The following JAKMIP2 variants were observed in gnomAD, a reference collection of about 807,000 sequenced individuals.
JAKMIP2 encodes janus kinase and microtubule interacting protein 2, also known as janus kinase and microtubule-interacting protein 2.
A neutral mutation model predicts 115.0 loss-of-function variants in JAKMIP2; 25 were observed. The observed-to-expected ratio is 0.22, with a 90% CI of 0.16 to 0.30. The LOEUF is 0.30. JAKMIP2 is among the 10% of genes least tolerant of loss of function. JAKMIP2 has a pLI of 1.00. For missense variants in JAKMIP2, 642 were observed against 957.6 expected (o/e 0.67, Z 4.35); for synonymous variants, 334 against 343.6 (o/e 0.97, Z 0.31).
intron 1 of JAKMIP2, among the ~76,000 whole-genome samples, chr5:147,775,850 T>C (rs1218490159): frequency 6.6e-6 from 1 of 152,174 alleles, no homozygotes; most frequent in Non-Finnish European, 1.5e-5. Flanking sequence ...AAGGCATTCG[T>C]TACAATTGGT....
At chr5:147,716,093 T>C (rs1239719418) in intron 1 of JAKMIP2, among the ~76,000 whole-genome samples, 3 of 146,676 alleles carry the variant, frequency 2.0e-5, no homozygotes. Flanking sequence ...GAATATGCAG[T>C]GTTTGGTTTT....
At chr5:147,720,423 G>A (rs1271210524) in intron 1 of JAKMIP2, among the ~76,000 whole-genome samples, 2 of 148,300 alleles carry the variant, frequency 1.3e-5, no homozygotes, top group Non-Finnish European at 3.0e-5. Flanking sequence ...AAGTTCTCCT[G>A]GATAATATCC....
chr5:147,724,753 A>T (rs544132436), intron 1 of JAKMIP2, among the ~76,000 whole-genome samples: 2 of 152,322 alleles, frequency 1.3e-5, no homozygotes, highest in African/African-American at 4.8e-5. Flanking sequence ...AAATTGGGTA[A>T]GTTTGAACTG....
chr5:147,723,221 A>T (rs1753387427), intron 1 of JAKMIP2, among the ~76,000 whole-genome samples: 1 of 152,150 alleles, frequency 6.6e-6, no homozygotes, highest in Non-Finnish European at 1.5e-5. Context: ...AAAAAAATCT[A>T]GATATACGTA....
chr5:147,751,730 A>G (rs775551346), intron 1 of JAKMIP2, among the ~76,000 whole-genome samples: 4 of 152,034 alleles, frequency 2.6e-5, no homozygotes, highest in Non-Finnish European at 4.4e-5. Context: ...TGGTCGAAAA[A>G]GTTTTTACAA....
intron 11 of JAKMIP2, among the ~76,000 whole-genome samples, chr5:147,636,633 C>A (rs1259206326): frequency 6.6e-6 from 1 of 152,154 alleles, no homozygotes; most frequent in Non-Finnish European, 1.5e-5. Flanking sequence ...AAATGCAGAA[C>A]CATAAATGTA....
In JAKMIP2 at chr5:147,752,248, T is replaced by TGGATG. The variant is rs1334858300; in HGVS notation, c.-149+30203_-149+30207dup. Among the ~76,000 whole-genome samples the TGGATG allele has an allele frequency of 2.0e-5, 3 of 152,176 alleles. No individual in the cohort carries two copies. In the East Asian group the frequency reaches 5.8e-4, roughly 29 times the overall value. On this transcript the variant is annotated intron_variant, in intron 1 of 21. Coordinates refer to ENST00000616793, the MANE Select transcript of JAKMIP2 (RefSeq NM_001270941.2). Reference sequence around the variant, plus strand: ...AATTACCTCGTTTTGTTTAAAAATCTGGATGAAGTATGGAGTGCCTGGGGC... The same window carrying TGGATG: ...AATTACCTCGTTTTGTTTAAAAATCTGGATGGGATGAAGTATGGAGTGCCTGGGGC...
chr5:147,597,833 G>C (rs1755473461), intron 21 of JAKMIP2, among the ~76,000 whole-genome samples: 2 of 152,196 alleles, frequency 1.3e-5, no homozygotes, highest in African/African-American at 4.8e-5. Flanking sequence ...GTTGGAACCT[G>C]ATGAGAGGCC....
intron 15 of JAKMIP2, 93 bp downstream of exon 15, chr5:147,629,600 A>G: frequency 1.2e-6 from 1 of 834,482 alleles, no homozygotes; most frequent in Non-Finnish European, 2.0e-6. Context: ...ATGGCATCTC[A>G]CTTGCTCTTA....
chr5:147,720,093 C>T (rs943314873), intron 1 of JAKMIP2, among the ~76,000 whole-genome samples: 1 of 152,040 alleles, frequency 6.6e-6, no homozygotes, highest in African/African-American at 2.4e-5. Context: ...TATTTTATTT[C>T]TCCTTTGCTT....
intron 4 of JAKMIP2, 88 bp from the exon 5 acceptor site, chr5:147,648,562 G>A (rs936029344): frequency 6.8e-6 from 5 of 733,530 alleles, no homozygotes; most frequent in South Asian, 3.2e-5. Context: ...AAAGTAATAG[G>A]CTCAGTTCTC....
chr5:147,779,297 A>G (rs901166010), intron 1 of JAKMIP2, among the ~76,000 whole-genome samples: 1 of 152,104 alleles, frequency 6.6e-6, no homozygotes, highest in African/African-American at 2.4e-5. Flanking sequence ...ATACCAATCA[A>G]AATATTTAAC....
intron 1 of JAKMIP2, among the ~76,000 whole-genome samples, chr5:147,708,474 T>C (rs956577247): frequency 6.6e-6 from 1 of 152,208 alleles, no homozygotes; most frequent in Non-Finnish European, 1.5e-5. Flanking sequence ...GCTAGTCACG[T>C]AGAAGGAGAA....
intron 13 of JAKMIP2, among the ~76,000 whole-genome samples, chr5:147,632,000 C>T (rs1328666202): frequency 2.0e-5 from 3 of 152,130 alleles, no homozygotes; most frequent in East Asian, 3.8e-4. Flanking sequence ...GGCAAAATAA[C>T]AGAAATCAAA....
intron 15 of JAKMIP2, 66 bp downstream of exon 15, chr5:147,629,627 T>C (rs1757265531): frequency 1.8e-6 from 2 of 1,102,090 alleles, no homozygotes; most frequent in South Asian, 2.6e-5. Flanking sequence ...ACATGATGCA[T>C]TGTTAAGTAT....
At chr5:147,597,626 A>G (rs1389144934) in intron 21 of JAKMIP2, among the ~76,000 whole-genome samples, 2 of 152,126 alleles carry the variant, frequency 1.3e-5, no homozygotes, top group Non-Finnish European at 2.9e-5. Flanking sequence ...GAAAAGGAGG[A>G]TTTTCAATGG....
chr5:147,703,485 C>A (rs1189191868), intron 1 of JAKMIP2, among the ~76,000 whole-genome samples: 1 of 152,044 alleles, frequency 6.6e-6, no homozygotes, highest in Non-Finnish European at 1.5e-5. Context: ...ACGTGAAGAC[C>A]TAGTCATCAC....
intron 1 of JAKMIP2, among the ~76,000 whole-genome samples, chr5:147,703,256 C>A (rs936132001): frequency 1.3e-5 from 2 of 152,056 alleles, no homozygotes; most frequent in Admixed American, 1.3e-4. Flanking sequence ...TATGTTATAG[C>A]CTATTGATCC....
chr5:147,655,370 A>C (rs1758625754), intron 3 of JAKMIP2, among the ~76,000 whole-genome samples: 1 of 152,110 alleles, frequency 6.6e-6, no homozygotes, highest in Admixed American at 6.5e-5. Flanking sequence ...TACTGCCTCT[A>C]TTTCAGAACT....
Sources: gnomAD v4.1 joint callset for allele counts (sites outside exome capture counted in the v4.1 genomes callset) on GRCh38, gnomAD v4.1.1 for gene constraint, MANE v1.5 for transcripts, NCBI Gene and HGNC (gene_info 2026-07-23, HGNC 2026-07-21) for gene names.